Variants in CNTN5 observed in about 807,000 individuals in gnomAD.
CNTN5 encodes the protein contactin-5.
In CNTN5, 77 loss-of-function variants were observed where a neutral mutation model predicts 129.1. The observed-to-expected ratio is 0.60, with a 90% CI of 0.50 to 0.72. The LOEUF is 0.72. Among genes scored for constraint, CNTN5 ranks in the 30% least tolerant of loss-of-function variants. CNTN5 has a pLI of 0.00. For synonymous variants in CNTN5, 509 were observed against 465.6 expected, an observed-to-expected ratio of 1.09 and a Z score of -1.20; for missense variants, 1,478 against 1,328.8, an observed-to-expected ratio of 1.11 and a Z score of -1.75.
At chr11:99,097,300 T>C (rs1350844454) in intron 1 of CNTN5, among the ~76,000 whole-genome samples, 1 of 151,740 alleles carries the variant, frequency 6.6e-6, no homozygotes, top group Non-Finnish European at 1.5e-5. Flanking sequence ...CAAACTGAGA[T>C]GGGGTTGGAG....
At chr11:99,741,908 A>G (rs550945636) in intron 3 of CNTN5, among the ~76,000 whole-genome samples, 19 of 152,262 alleles carry the variant, frequency 1.2e-4, no homozygotes, top group African/African-American at 4.3e-4. Context: ...GGTTGTAAGT[A>G]CTAATTTCCC....
intron 13 of CNTN5, among the ~76,000 whole-genome samples, chr11:100,148,884 C>T (rs1458366324): frequency 6.6e-6 from 1 of 150,768 alleles, no homozygotes; most frequent in African/African-American, 2.4e-5. Context: ...ATTTTGGCAG[C>T]ATGAGCTAAC....
intron 2 of CNTN5, among the ~76,000 whole-genome samples, chr11:99,536,557 G>C (rs1177161917): frequency 6.6e-6 from 1 of 151,952 alleles, no homozygotes; most frequent in Non-Finnish European, 1.5e-5. Context: ...ATATGAACCA[G>C]AAAAATACAG....
At chr11:99,952,846 T>A (rs2136154273) in intron 7 of CNTN5, among the ~76,000 whole-genome samples, 1 of 152,302 alleles carries the variant, frequency 6.6e-6, no homozygotes, top group South Asian at 2.1e-4. Context: ...AGTTGAGCAT[T>A]TTATAAAAAT....
intron 1 of CNTN5, among the ~76,000 whole-genome samples, chr11:99,239,415 A>T (rs1040280593): frequency 1.3e-5 from 2 of 152,204 alleles, no homozygotes; most frequent in Non-Finnish European, 2.9e-5. Context: ...AAGTTAATGG[A>T]ACATTTTTTG....
chr11:99,360,163 T>A (rs1321039158), intron 2 of CNTN5, among the ~76,000 whole-genome samples: 1 of 152,190 alleles, frequency 6.6e-6, no homozygotes, highest in Non-Finnish European at 1.5e-5. Context: ...CCAGACACAG[T>A]GGGGCAAGAG....
chr11:99,501,146 G>A (rs960320051), intron 2 of CNTN5, among the ~76,000 whole-genome samples: 1 of 152,182 alleles, frequency 6.6e-6, no homozygotes, highest in African/African-American at 2.4e-5. Flanking sequence ...TATTTGCTGA[G>A]TGGGTAATTG....
At chr11:99,564,750 C>A (rs1396125206) in intron 3 of CNTN5, among the ~76,000 whole-genome samples, 3 of 152,106 alleles carry the variant, frequency 2.0e-5, no homozygotes, top group Non-Finnish European at 4.4e-5. Context: ...ACACATACAT[C>A]CCCCAAATGT....
At chr11:100,032,295 G>A (rs1327510555) in intron 9 of CNTN5, among the ~76,000 whole-genome samples, 2 of 151,656 alleles carry the variant, frequency 1.3e-5, no homozygotes, top group Non-Finnish European at 2.9e-5. Context: ...ATATTAATGT[G>A]GATTTTGTTC....
intron 1 of CNTN5, among the ~76,000 whole-genome samples, chr11:99,043,884 T>C (rs1864103209): frequency 6.6e-6 from 1 of 152,148 alleles, no homozygotes; most frequent in South Asian, 2.1e-4. Context: ...ATATACTATT[T>C]CATGTGACCA....
chr11:99,920,766 A>C (rs994906810), intron 7 of CNTN5, among the ~76,000 whole-genome samples: 1 of 152,102 alleles, frequency 6.6e-6, no homozygotes, highest in African/African-American at 2.4e-5. Context: ...AATCTCATTC[A>C]TGAGAGCTTC....
In CNTN5 at chr11:99,819,526, A is replaced by T. The variant is rs2135554622; in HGVS notation, c.56-18A>T. 6.4e-7 allele frequency: 1 copy of T among 1,574,534 alleles called. No individual in the cohort carries two copies. Among genetic ancestry groups the T allele is most frequent in the East Asian group, 2.3e-5 (1 of 44,330 alleles). ...GTTTCCTCAAAATTCAGATTTTATT[A>T]TATTTTTTCTCTTACAGAGTATTCA... On this transcript the variant is annotated intron_variant, in intron 3 of 24. Transcript: ENST00000524871.
chr11:99,584,440 A>G (rs2851597), intron 3 of CNTN5, among the ~76,000 whole-genome samples: 138,380 of 152,170 alleles, frequency 0.91, 63,082 homozygotes, highest in East Asian at 1. Flanking sequence ...TATTTTCCTT[A>G]TAATACAATA....
intron 6 of CNTN5, among the ~76,000 whole-genome samples, chr11:99,890,918 C>T (rs1949042027): frequency 6.6e-6 from 1 of 152,008 alleles, no homozygotes; most frequent in Admixed American, 6.6e-5. Context: ...CCAATATCCC[C>T]AGTAAGATAA....
chr11:99,168,335 C>T (rs891419752), intron 1 of CNTN5, among the ~76,000 whole-genome samples: 3 of 140,582 alleles, frequency 2.1e-5, no homozygotes, highest in Non-Finnish European at 3.1e-5. Flanking sequence ...AGGCCGAGGC[C>T]GGGGGGGTGG....
intron 3 of CNTN5, among the ~76,000 whole-genome samples, chr11:99,653,215 G>A (rs1176946246): frequency 6.6e-6 from 1 of 151,950 alleles, no homozygotes; most frequent in Admixed American, 6.6e-5. Flanking sequence ...CTCATAGACA[G>A]ATTGGATTTG....
At chr11:99,128,069 A>G (rs1858734439) in intron 1 of CNTN5, among the ~76,000 whole-genome samples, 1 of 152,212 alleles carries the variant, frequency 6.6e-6, no homozygotes, top group Admixed American at 6.5e-5. Context: ...CAATAACATT[A>G]AAAGAAATAT....
chr11:99,516,176 C>A (rs1947045383), intron 2 of CNTN5, among the ~76,000 whole-genome samples: 1 of 151,888 alleles, frequency 6.6e-6, no homozygotes, highest in Admixed American at 6.6e-5. Context: ...AAATATAAGT[C>A]CAACCTGTCT....
intron 13 of CNTN5, among the ~76,000 whole-genome samples, chr11:100,190,498 A>T (rs2123324): frequency 2.0e-5 from 3 of 152,178 alleles, no homozygotes; most frequent in Non-Finnish European, 4.4e-5. Context: ...TTTCACCTTC[A>T]TATGAAAGTG....
Sources: allele counts gnomAD v4.1 joint callset (sites outside exome capture counted in the v4.1 genomes callset), GRCh38; gene constraint gnomAD v4.1.1; transcripts MANE v1.5; gene names NCBI Gene and HGNC (gene_info 2026-07-23, HGNC 2026-07-21).